The following SS18 variants were observed in gnomAD, a reference collection of about 807,000 sequenced individuals.
SS18 encodes protein SSXT.
A neutral mutation model predicts 72.5 loss-of-function variants in SS18; 28 were observed. The ratio of observed to expected loss-of-function variants is 0.39; its 90% CI spans 0.29 to 0.53. SS18 has a LOEUF of 0.53. Ranked by LOEUF, SS18 falls within the 20% of genes least tolerant of loss-of-function variation. The pLI, the probability that SS18 is intolerant of heterozygous loss-of-function variation, is 0.76. For synonymous variants in SS18, 172 were observed against 164.2 expected, an observed-to-expected ratio of 1.05 and a Z score of -0.37; for missense variants, 518 against 535.3, an observed-to-expected ratio of 0.97 and a Z score of 0.32.
intron 10 of SS18, among the ~76,000 whole-genome samples, chr18:26,029,657 C>T (rs1036401135): frequency 2.6e-5 from 4 of 152,126 alleles, no homozygotes; most frequent in Non-Finnish European, 4.4e-5. Context: ...GGGGAAGTAT[C>T]CTAACAATTT....
At chr18:26,049,551 CA>C (rs2053885986) in intron 5 of SS18, among the ~76,000 whole-genome samples, 2 of 152,122 alleles carry the variant, frequency 1.3e-5, no homozygotes, top group South Asian at 4.1e-4. Flanking sequence ...CTTGCTCTGT[CA>C]CCCAAGCTGG....
chr18:26,037,541 A>C (rs2053646543), intron 7 of SS18, among the ~76,000 whole-genome samples: 1 of 152,106 alleles, frequency 6.6e-6, no homozygotes, highest in African/African-American at 2.4e-5. Context: ...TTAAGTACAA[A>C]TGTACCTTTA....
intron 4 of SS18, among the ~76,000 whole-genome samples, chr18:26,054,985 C>T (rs911521053): frequency 1.3e-5 from 2 of 151,984 alleles, no homozygotes; most frequent in East Asian, 2.0e-4. Context: ...CTGATCCACC[C>T]ACCTCAGCCT....
intron 10 of SS18, among the ~76,000 whole-genome samples, chr18:26,027,498 AAAATAAAT>A (rs983140246): frequency 6.6e-6 from 1 of 151,482 alleles, no homozygotes; most frequent in African/African-American, 2.4e-5. Flanking sequence ...AATACAAATA[AAAATAAAT>A]AAATAAATAA....
At chr18:26,025,726 G>C (rs2053434707) in intron 10 of SS18, among the ~76,000 whole-genome samples, 1 of 151,830 alleles carries the variant, frequency 6.6e-6, no homozygotes, top group Admixed American at 6.6e-5. Context: ...TACAAACCCA[G>C]ATGGCTTCAC....
At chr18:26,066,600 G>GCGCGCACA (rs148515889) in intron 3 of SS18, among the ~76,000 whole-genome samples, 6 of 144,332 alleles carry the variant, frequency 4.2e-5, no homozygotes, top group Admixed American at 1.4e-4. Flanking sequence ...GGAAATTTGT[G>GCGCGCACA]CACACACACA....
chr18:26,023,513 C>A, intron 10 of SS18: 2 of 431,358 alleles, frequency 4.6e-6, no homozygotes, highest in Non-Finnish European at 8.7e-6. Context: ...GACATATTAA[C>A]TACAAAAGAA....
intron 10 of SS18, among the ~76,000 whole-genome samples, chr18:26,029,143 C>T (rs1041364440): frequency 1.3e-5 from 2 of 152,052 alleles, no homozygotes; most frequent in African/African-American, 4.8e-5. Flanking sequence ...TCACTTGATG[C>T]ATGTAAGGAA....
intron 3 of SS18, among the ~76,000 whole-genome samples, chr18:26,067,718 A>C (rs7230483): frequency 5.3e-5 from 8 of 152,172 alleles, no homozygotes; most frequent in African/African-American, 1.9e-4. Context: ...CTGCGCAGCC[A>C]GAGAGAGAAA....
At chr18:26,090,389 G>T in intron 1 of SS18, 112 bp downstream of exon 1, 2 of 1,073,944 alleles carry the variant, frequency 1.9e-6, no homozygotes, top group Non-Finnish European at 2.8e-6. Context: ...CTGATTCCCA[G>T]CAGGCCCGCC....
rs917141599 is a variant in SS18, at chr18:26,035,766, T to G, written c.973+65A>C. On this transcript the variant is annotated intron_variant, in intron 8 of 10. Transcript: ENST00000415083. The surrounding 1 kb of genome is among the most constrained non-coding windows in gnomAD (Gnocchi z 4.4). ...CTTTGCATGGGTAGAAGTTGTCTTA[T>G]GCAAGAATTTTCATTCCTGTAGAAG... 15 of 1,169,416 alleles carry G rather than the reference T, an allele frequency of 1.3e-5. No individual in the cohort carries two copies. Among genetic ancestry groups the G allele is most frequent in the Non-Finnish European group, 1.7e-5 (14 of 831,968 alleles). 72.4% of individuals were successfully genotyped at this position (1,169,416 alleles called of 1,614,324 possible). A position where few individuals can be genotyped will look rare whatever the true frequency, so the allele number is the denominator to read the frequency against.
At position 26,032,086 on chromosome 18, in the gene SS18, T is replaced by C. The variant is rs77887067; in HGVS notation, c.1230+313A>G. On this transcript the variant is annotated intron_variant, in intron 10 of 10. Coordinates refer to ENST00000415083, the MANE Select transcript of SS18 (RefSeq NM_001007559.3). ...GTAAATATGATAAACTCTCTATCTATACTTTACCTCAGTAAACAAAGTATG... is the reference window on the plus strand; with the variant it reads ...GTAAATATGATAAACTCTCTATCTACACTTTACCTCAGTAAACAAAGTATG... 7.1e-3 allele frequency among the ~76,000 whole-genome samples: 1,084 copies of C among 152,224 alleles called. 15 individuals are homozygous for C. The highest frequency in any genetic ancestry group is 0.025 in the African/African-American group (1,028 of 41,524).
Position 26,018,207 on chromosome 18 carries a change from T to C in SS18, c.*147A>G, listed in dbSNP as rs767200035. Reference sequence around the variant, plus strand: ...CCTTTTATAACTAAACCACAAAGGCTGCTTACTGATGAAACAGCCACTTAT... The same window carrying C: ...CCTTTTATAACTAAACCACAAAGGCCGCTTACTGATGAAACAGCCACTTAT... On this transcript the variant is annotated 3_prime_UTR_variant, in exon 11 of 11. Transcript: ENST00000415083. The C allele has an allele frequency of 1.3e-5, 8 of 609,618 alleles. No homozygotes were observed. Among genetic ancestry groups the C allele is most frequent in the African/African-American group, 7.5e-5 (4 of 53,108 alleles). The allele number at this position is 609,618 out of a possible 1,614,324, so 37.8% of individuals were successfully genotyped here.
In SS18 at chr18:26,032,387, C is replaced by A; in HGVS notation, c.1230+12G>T. The A allele has an allele frequency of 6.2e-7, 1 of 1,609,046 alleles. No individual in the cohort carries two copies. The highest frequency in any genetic ancestry group is 1.1e-5 in the South Asian group (1 of 90,240). ...ACAATGTGGCAATTCTGCAGCCGGTCAAACTACTTACCTGGTCATATCCAT... is the reference window on the plus strand; with the variant it reads ...ACAATGTGGCAATTCTGCAGCCGGTAAAACTACTTACCTGGTCATATCCAT... On this transcript the variant is annotated intron_variant, in intron 10 of 10. Coordinates refer to ENST00000415083, the MANE Select transcript of SS18 (RefSeq NM_001007559.3).
intron 10 of SS18, 152 bp from the exon 11 acceptor site, chr18:26,018,532 T>C (rs2053288791): frequency 2.0e-6 from 1 of 510,342 alleles, no homozygotes; most frequent in Admixed American, 3.5e-5. Context: ...AGGTATACAG[T>C]ATCACCCTGT....
chr18:26,052,962 C>A (rs1459466345), intron 4 of SS18, 117 bp from the exon 5 acceptor site: 5 of 747,722 alleles, frequency 6.7e-6, no homozygotes, highest in South Asian at 5.6e-5. Context: ...AATAATTAAT[C>A]GATAGCAAAG....
At chr18:26,039,586 A>G (rs769046597) in intron 5 of SS18, 130 bp from the exon 6 acceptor site, 21 of 781,264 alleles carry the variant, frequency 2.7e-5, no homozygotes, top group Non-Finnish European at 3.9e-5. Flanking sequence ...CTGATTTCAA[A>G]TAATAAAAAT....
At chr18:26,034,976 T>C (rs373461746) in intron 9 of SS18, 29 bp downstream of exon 9, 2 of 1,587,352 alleles carry the variant, frequency 1.3e-6, no homozygotes, top group African/African-American at 1.4e-5. Flanking sequence ...ATTTTTTTGG[T>C]GATAAAAATA....
Position 26,082,388 on chromosome 18 carries a change from C to T in SS18, c.147-4228G>A, listed in dbSNP as rs73403587. The T allele has an allele frequency of 2.3e-3, 2,188 of 954,164 alleles. 30 individuals are homozygous for T. In the African/African-American group the frequency reaches 0.036, roughly 16 times the overall value. 59.1% of individuals were successfully genotyped at this position (954,164 alleles called of 1,614,324 possible). ...CTAGAAGCTATGAATATTTATTAGA[C>T]AACGGGAATGCACTTTATAGAATAA... On this transcript the variant is annotated intron_variant, in intron 2 of 10. Coordinates refer to ENST00000415083, the MANE Select transcript of SS18 (RefSeq NM_001007559.3).
Sources: gnomAD v4.1 joint callset for allele counts (sites outside exome capture counted in the v4.1 genomes callset) on GRCh38, gnomAD v4.1.1 for gene constraint, Gnocchi (gnomAD v3.1) non-coding constraint, MANE v1.5 for transcripts, NCBI Gene and HGNC (gene_info 2026-07-23, HGNC 2026-07-21) for gene names.